The following NSG1 variants were observed in gnomAD, a reference collection of about 807,000 sequenced individuals.
NSG1 encodes neuronal vesicle trafficking-associated protein 1.
In NSG1, 9 loss-of-function variants were observed where a neutral mutation model predicts 19.3. The ratio of observed to expected loss-of-function variants is 0.47; its 90% confidence interval spans 0.28 to 0.81. The LOEUF (loss-of-function observed/expected upper bound fraction) is 0.81. Among genes scored for constraint, NSG1 ranks in the 40% least tolerant of loss-of-function variants. The probability of loss-of-function intolerance (pLI) is 0.11; values close to 1 mark genes in which losing one functional copy is unlikely to be tolerated. For synonymous variants in NSG1, 104 were observed against 107.0 expected (o/e 0.97, Z 0.17); for missense variants, 236 against 242.4 (o/e 0.97, Z 0.18).
At chr4:4,410,444 A>C (rs1002940319) in intron 4 of NSG1, among the ~76,000 whole-genome samples, 2 of 152,156 alleles carry the variant, frequency 1.3e-5, no homozygotes, top group Admixed American at 1.3e-4. Context: ...AGCCTCACAG[A>C]GTGTCCTGTA....
chr4:4,387,843 T>G, intron 2 of NSG1, 85 bp downstream of exon 2: 1 of 1,155,766 alleles, frequency 8.7e-7, no homozygotes, highest in Non-Finnish European at 1.3e-6. Flanking sequence ...ACGCGCCGCG[T>G]GCGCTGGGTA....
In NSG1 at chr4:4,418,449, G is replaced by A. The variant is rs546094933; in HGVS notation, c.*1014G>A. On this transcript the variant is annotated 3_prime_UTR_variant, in exon 5 of 5. Transcript: ENST00000621129. ...TGTGGGGTGGGGGTGGGGGACTGGTGTGGCACCGTGCAAACAAAATGACAA... is the reference window on the plus strand; with the variant it reads ...TGTGGGGTGGGGGTGGGGGACTGGTATGGCACCGTGCAAACAAAATGACAA... 1.5e-4 allele frequency: 23 copies of A among 152,790 alleles called. No individual in the cohort carries two copies. Among genetic ancestry groups the A allele is most frequent in the African/African-American group, 4.8e-4 (20 of 41,566 alleles). The allele number at this position is 152,790 out of a possible 1,614,324, so 9.5% of individuals were successfully genotyped here.
intron 3 of NSG1, among the ~76,000 whole-genome samples, chr4:4,393,782 C>A (rs1411635916): frequency 6.6e-6 from 1 of 152,158 alleles, no homozygotes; most frequent in Non-Finnish European, 1.5e-5. Flanking sequence ...AAGCCAAGGC[C>A]TTCCCAACAT....
Position 4,417,326 on chromosome 4 carries a change from A to C in NSG1, c.449A>C (p.Tyr150Ser), listed in dbSNP as rs765425937. 2 of 1,614,154 alleles carry C rather than the reference A, an allele frequency of 1.2e-6. No homozygotes were observed. The highest frequency in any genetic ancestry group is 1.7e-6 in the Non-Finnish European group (2 of 1,180,028). Residue 150 changes from tyrosine (Y) to serine (S), a missense_variant, in exon 5 of 5, where the codon TAC (tyrosine) becomes TCC (serine). By Grantham distance (144) the Tyr-to-Ser change is moderately radical (BLOSUM62 -2). Transcript: ENST00000621129. ...AAATTTTACACAGTCATAAACCACT[A>C]CAACCTGGCCAAGCAGAGCATCACG... ...REKFYTVINH[Y>S]NLAKQSITRS... is the part of the protein sequence containing the mutation.
chr4:4,407,320 G>A (rs557520065), intron 3 of NSG1, among the ~76,000 whole-genome samples: 2 of 152,290 alleles, frequency 1.3e-5, no homozygotes, highest in Admixed American at 1.3e-4. Context: ...GGCCTGAGGG[G>A]TCCCTCCCTA....
At chr4:4,388,334 C>T (rs1310872045) in intron 2 of NSG1, among the ~76,000 whole-genome samples, 3 of 152,238 alleles carry the variant, frequency 2.0e-5, no homozygotes. Context: ...TGTGAAATCT[C>T]CAAATAAGTG....
intron 3 of NSG1, among the ~76,000 whole-genome samples, chr4:4,400,239 T>C (rs1247017993): frequency 6.6e-6 from 1 of 152,252 alleles, no homozygotes; most frequent in Non-Finnish European, 1.5e-5. Flanking sequence ...ATGAATGGTC[T>C]TGGCCCCCTT....
In NSG1 at chr4:4,388,540, G is replaced by A. The variant is rs1037589383; in HGVS notation, c.129+782G>A. Among the ~76,000 whole-genome samples, 4 of 152,344 alleles carry A rather than the reference G, an allele frequency of 2.6e-5. No homozygotes were observed. In the East Asian group the frequency reaches 7.7e-4, roughly 29 times the overall value. Reference sequence around the variant, plus strand: ...TAGATCTTTGCATGTCTAGGCAATTGTACTGTAAAATTCACATCTAAGACC... The same window carrying A: ...TAGATCTTTGCATGTCTAGGCAATTATACTGTAAAATTCACATCTAAGACC... On this transcript the variant is annotated intron_variant, in intron 2 of 4. Coordinates refer to ENST00000621129, the MANE Select transcript of NSG1 (RefSeq NM_014392.5).
intron 4 of NSG1, among the ~76,000 whole-genome samples, chr4:4,416,321 C>T (rs777126242): frequency 3.9e-5 from 6 of 152,216 alleles, no homozygotes; most frequent in Non-Finnish European, 8.8e-5. Flanking sequence ...TTCCATTTGT[C>T]ATTTCTCTTT....
At chr4:4,415,630 C>G (rs1032615434) in intron 4 of NSG1, 1 of 153,746 alleles carries the variant, frequency 6.5e-6, no homozygotes, top group Non-Finnish European at 1.4e-5. Context: ...TGGGAGGCAT[C>G]TGGGGACTCC....
At chr4:4,387,789 G>T (rs369385877) in intron 2 of NSG1, 31 bp downstream of exon 2, 3 of 1,561,202 alleles carry the variant, frequency 1.9e-6, no homozygotes, top group Non-Finnish European at 2.6e-6. Context: ...CCACGTTGCC[G>T]GGTGTGCACC....
chr4:4,399,173 C>T (rs1027319034), intron 3 of NSG1, among the ~76,000 whole-genome samples: 4 of 151,980 alleles, frequency 2.6e-5, no homozygotes, highest in African/African-American at 7.3e-5. Context: ...GACAGGGTCT[C>T]ACTCTGTCGC....
chr4:4,409,434 G>A (rs1724046417), intron 3 of NSG1, 139 bp from the exon 4 acceptor site: 1 of 657,448 alleles, frequency 1.5e-6, no homozygotes, highest in Non-Finnish European at 2.8e-6. Context: ...CTAACCTCTT[G>A]TGCCTAGCTG....
intron 3 of NSG1, among the ~76,000 whole-genome samples, chr4:4,400,270 G>A (rs1723476906): frequency 1.3e-5 from 2 of 152,116 alleles, no homozygotes; most frequent in African/African-American, 2.4e-5. Flanking sequence ...AGTTGACCAT[G>A]GACTCATAGT....
intron 1 of NSG1, 43 bp from the exon 2 acceptor site, chr4:4,387,561 C>CGGGGG: frequency 3.5e-5 from 40 of 1,141,908 alleles, no homozygotes; most frequent in East Asian, 8.0e-5. Context: ...CGCCCCGCCC[C>CGGGGG]GGGTCTTGCT....
chr4:4,406,064 G>C (rs1180041775), intron 3 of NSG1, among the ~76,000 whole-genome samples: 8 of 152,180 alleles, frequency 5.3e-5, no homozygotes, highest in African/African-American at 1.9e-4. Flanking sequence ...GTCTCACTCT[G>C]TTGCCCAGGC....
intron 4 of NSG1, among the ~76,000 whole-genome samples, chr4:4,414,245 G>C (rs1227839770): frequency 1.3e-5 from 2 of 151,874 alleles, no homozygotes; most frequent in Non-Finnish European, 1.5e-5. Flanking sequence ...TGAAGCCCCA[G>C]TCCTGTGTCC....
intron 3 of NSG1, among the ~76,000 whole-genome samples, chr4:4,407,687 C>T (rs1032059732): frequency 2.0e-5 from 3 of 152,112 alleles, no homozygotes; most frequent in African/African-American, 7.2e-5. Context: ...GAAGTGGAGG[C>T]AGGGGATGAG....
At chr4:4,390,648 G>T (rs1223391192) in intron 2 of NSG1, among the ~76,000 whole-genome samples, 1 of 152,188 alleles carries the variant, frequency 6.6e-6, no homozygotes, top group Non-Finnish European at 1.5e-5. Flanking sequence ...GGGGATTAGA[G>T]ACCTATAACA....
Sources: gnomAD v4.1 joint callset for allele counts (sites outside exome capture counted in the v4.1 genomes callset) on GRCh38, gnomAD v4.1.1 for gene constraint, MANE v1.5 for transcripts, NCBI Gene and HGNC (gene_info 2026-07-23, HGNC 2026-07-21) for gene names.